Variants in CFAP107 observed in about 807,000 individuals in gnomAD.
The protein encoded by CFAP107 is cilia and flagella associated protein 107, also known as cilia- and flagella-associated protein 107.
At chr1:12,760,977 G>A in the CFAP107 span, 1 of 1,586,098 alleles carries the variant, frequency 6.3e-7, no homozygotes, top group Non-Finnish European at 8.6e-7. Flanking sequence ...GAGCAGCTCA[G>A]ATAGAATCAG....
the CFAP107 span, among the ~76,000 whole-genome samples, chr1:12,749,096 T>C: frequency 0.053 from 8,023 of 152,206 alleles, 680 homozygotes; most frequent in African/African-American, 0.18. Flanking sequence ...AGAAAGGGGC[T>C]AAAAGAGTAT....
the CFAP107 span, chr1:12,746,480 A>C: frequency 2.5e-6 from 4 of 1,613,754 alleles, no homozygotes; most frequent in South Asian, 1.1e-5. Context: ...CCGAGCTGGC[A>C]GATTGAGACC....
chr1:12,761,618 C>A, the CFAP107 span: 1 of 151,008 alleles, frequency 6.6e-6, no homozygotes, highest in Admixed American at 6.6e-5. Flanking sequence ...CTCACTGCAA[C>A]CTCTGCCTCC....
chr1:12,757,766 G>A, the CFAP107 span, among the ~76,000 whole-genome samples: 1 of 152,008 alleles, frequency 6.6e-6, no homozygotes, highest in African/African-American at 2.4e-5. Context: ...CTTCCACACA[G>A]CTGCTTCAAC....
chr1:12,755,175 G>T, the CFAP107 span, among the ~76,000 whole-genome samples: 1 of 152,200 alleles, frequency 6.6e-6, no homozygotes, highest in African/African-American at 2.4e-5. Flanking sequence ...GGGAGGCCGA[G>T]GCACGTGGAT....
the CFAP107 span, among the ~76,000 whole-genome samples, chr1:12,755,393 G>C: frequency 7.6e-5 from 11 of 144,986 alleles, no homozygotes; most frequent in African/African-American, 1.3e-4. Context: ...GACAGAGTGA[G>C]ACTCCATGTC....
the CFAP107 span, chr1:12,760,662 C>A: frequency 2.6e-6 from 3 of 1,148,642 alleles, no homozygotes; most frequent in Non-Finnish European, 3.7e-6. Context: ...ACAGAGCAGC[C>A]TGGGAAAATC....
chr1:12,747,586 G>A, the CFAP107 span, among the ~76,000 whole-genome samples: 2 of 152,186 alleles, frequency 1.3e-5, no homozygotes, highest in African/African-American at 2.4e-5. Context: ...GGAAAAGAAG[G>A]TGAAATAGAA....
chr1:12,749,690 G>A, the CFAP107 span, among the ~76,000 whole-genome samples: 1 of 152,202 alleles, frequency 6.6e-6, no homozygotes, highest in East Asian at 1.9e-4. Flanking sequence ...GGAAGGCAGT[G>A]GGATAATACA....
At chr1:12,755,988 G>T in the CFAP107 span, among the ~76,000 whole-genome samples, 1 of 152,204 alleles carries the variant, frequency 6.6e-6, no homozygotes, top group Admixed American at 6.5e-5. Context: ...ACCTGTGTGG[G>T]CTGATGATCT....
chr1:12,752,119 C>CATT, the CFAP107 span, among the ~76,000 whole-genome samples: 3 of 152,114 alleles, frequency 2.0e-5, no homozygotes, highest in Admixed American at 2.0e-4. Context: ...ATGAGCTCAG[C>CATT]ATTACCCTGA....
At chr1:12,751,662 A>G in the CFAP107 span, among the ~76,000 whole-genome samples, 1 of 152,182 alleles carries the variant, frequency 6.6e-6, no homozygotes, top group Non-Finnish European at 1.5e-5. Flanking sequence ...AGAAAACCAA[A>G]TTGGTTTTTT....
At chr1:12,755,657 A>G in the CFAP107 span, 1 of 1,337,836 alleles carries the variant, frequency 7.5e-7, no homozygotes, top group Non-Finnish European at 1.1e-6. Flanking sequence ...AAGTTTGAGA[A>G]GTGGCATCTC....
the CFAP107 span, chr1:12,753,819 C>T: frequency 6.6e-6 from 1 of 151,976 alleles, no homozygotes; most frequent in African/African-American, 2.4e-5. Flanking sequence ...AATCCCAGCA[C>T]TTTGAGAGTC....
the CFAP107 span, among the ~76,000 whole-genome samples, chr1:12,756,005 T>C: frequency 6.6e-6 from 1 of 152,330 alleles, no homozygotes; most frequent in East Asian, 1.9e-4. Context: ...ATCTGTTTAA[T>C]GTCAAACTGG....
At chr1:12,757,903 C>T in the CFAP107 span, among the ~76,000 whole-genome samples, 27 of 152,206 alleles carry the variant, frequency 1.8e-4, no homozygotes, top group Middle Eastern at 3.4e-3. Flanking sequence ...TATCCCCAAC[C>T]GCCTCCTTTA....
chr1:12,748,925 T>G, the CFAP107 span, among the ~76,000 whole-genome samples: 1 of 152,092 alleles, frequency 6.6e-6, no homozygotes, highest in Non-Finnish European at 1.5e-5. Context: ...ATGCAATAAC[T>G]GAATTGAAAA....
At chr1:12,754,484 T>C in the CFAP107 span, among the ~76,000 whole-genome samples, 1 of 152,244 alleles carries the variant, frequency 6.6e-6, no homozygotes, top group Non-Finnish European at 1.5e-5. Flanking sequence ...AATTACCATA[T>C]GATCCAGCAA....
the CFAP107 span, among the ~76,000 whole-genome samples, chr1:12,756,466 G>A: frequency 6.6e-6 from 1 of 152,208 alleles, no homozygotes; most frequent in African/African-American, 2.4e-5. Context: ...AGGGAAAGCC[G>A]TCTCCTGCAA....
Sources: gnomAD v4.1 joint callset for allele counts (sites outside exome capture counted in the v4.1 genomes callset) on GRCh38, gnomAD v4.1.1 for gene constraint, MANE v1.5 for transcripts, NCBI Gene and HGNC (gene_info 2026-07-23, HGNC 2026-07-21) for gene names.